The following PPP6R3 variants were observed in gnomAD, a reference collection of about 807,000 sequenced individuals.
PPP6R3 encodes the protein serine/threonine-protein phosphatase 6 regulatory subunit 3.
Under a neutral mutation model 110.7 loss-of-function variants are expected in PPP6R3, and 38 were observed. That is an observed-to-expected ratio of 0.34 (90% CI 0.26 to 0.45). The LOEUF (loss-of-function observed/expected upper bound fraction) is 0.45. Ranked by LOEUF, PPP6R3 falls within the 20% of genes least tolerant of loss-of-function variation. PPP6R3 has a pLI of 1.00. For missense variants in PPP6R3, 870 were observed against 1,062.4 expected, an observed-to-expected ratio of 0.82 and a Z score of 2.52; for synonymous variants, 369 against 373.5, an observed-to-expected ratio of 0.99 and a Z score of 0.14.
intron 19 of PPP6R3, 25 bp downstream of exon 19, chr11:68,596,243 A>G: frequency 6.2e-7 from 1 of 1,614,028 alleles, no homozygotes; most frequent in South Asian, 1.1e-5. Context: ...TCTTCAGATC[A>G]GCTGCCCTGT....
intron 1 of PPP6R3, among the ~76,000 whole-genome samples, chr11:68,499,594 G>A (rs2099037344): frequency 6.6e-6 from 1 of 151,960 alleles, no homozygotes; most frequent in African/African-American, 2.4e-5. Flanking sequence ...AAAGTGACAG[G>A]GTCTTATTCT....
intron 1 of PPP6R3, among the ~76,000 whole-genome samples, chr11:68,479,910 T>C (rs1158921221): frequency 6.6e-6 from 1 of 152,090 alleles, no homozygotes; most frequent in Non-Finnish European, 1.5e-5. Flanking sequence ...GGCTAATTTT[T>C]GTATTTTTTT....
chr11:68,550,052 T>G (rs927501115), intron 5 of PPP6R3, among the ~76,000 whole-genome samples: 4 of 152,172 alleles, frequency 2.6e-5, no homozygotes, highest in African/African-American at 9.7e-5. Context: ...GGGACATTAT[T>G]ACTCAAAGAA....
At chr11:68,482,730 A>G (rs1429508651) in intron 1 of PPP6R3, among the ~76,000 whole-genome samples, 1 of 152,136 alleles carries the variant, frequency 6.6e-6, no homozygotes, top group Non-Finnish European at 1.5e-5. Context: ...GAAGGCTAAA[A>G]TCCATTCTGA....
Position 68,571,051 on chromosome 11 carries a change from A to G in PPP6R3, c.1290A>G (p.Lys430=), listed in dbSNP as rs2099503392. The G allele has an allele frequency of 1.3e-6, 2 of 1,593,016 alleles. No homozygotes were observed. Among genetic ancestry groups the G allele is most frequent in the Non-Finnish European group, 1.7e-6 (2 of 1,174,136 alleles). Residue 430 remains lysine (K), a synonymous_variant, in exon 12 of 24, where the codon AAA becomes AAG. Coordinates refer to ENST00000393800, the MANE Select transcript of PPP6R3 (RefSeq NM_001164161.2). ...TTTTTTTTTTTCAGCTTTTCCAAAA[A>G]TGTCAATTAATAGAACGAATACTTG... ...DNLLLKHLFQ[K]CQLIERILEA... is the part of the protein sequence containing the mutation.
chr11:68,573,972 T>C lies in PPP6R3; in HGVS notation c.1344-137T>C, dbSNP rs115561233. The C allele has an allele frequency of 2.9e-3, 1,726 of 601,088 alleles. 31 individuals are homozygous for C. Among genetic ancestry groups the C allele is most frequent in the African/African-American group, 0.028 (1,493 of 54,250 alleles). 37.2% of individuals were successfully genotyped at this position (601,088 alleles called of 1,614,324 possible). Reference sequence around the variant, plus strand: ...CACCTTCCATTCCTTTGTTTTTCTTTTCTTTTCTGTCCATCGTCATTTTCT... The same window carrying C: ...CACCTTCCATTCCTTTGTTTTTCTTCTCTTTTCTGTCCATCGTCATTTTCT... On this transcript the variant is annotated intron_variant, in intron 12 of 23. Coordinates refer to ENST00000393800, the MANE Select transcript of PPP6R3 (RefSeq NM_001164161.2).
chr11:68,500,958 T>G (rs1214110219), intron 1 of PPP6R3, among the ~76,000 whole-genome samples: 11 of 152,210 alleles, frequency 7.2e-5, no homozygotes, highest in Non-Finnish European at 2.9e-5. Flanking sequence ...TCCGCCGCCT[T>G]CCTTTTCTGT....
chr11:68,531,569 G>T (rs2099240855), intron 2 of PPP6R3, among the ~76,000 whole-genome samples: 1 of 152,052 alleles, frequency 6.6e-6, no homozygotes, highest in South Asian at 2.1e-4. Flanking sequence ...TGGGATTACA[G>T]ACGTGAGCCA....
chr11:68,478,227 C>T (rs566615950), intron 1 of PPP6R3, among the ~76,000 whole-genome samples: 7 of 151,712 alleles, frequency 4.6e-5, no homozygotes, highest in Admixed American at 1.3e-4. Context: ...GGATTACAGG[C>T]GTGAGCTGCC....
chr11:68,486,484 A>G (rs1211558789), intron 1 of PPP6R3, among the ~76,000 whole-genome samples: 2 of 151,696 alleles, frequency 1.3e-5, no homozygotes, highest in Non-Finnish European at 2.9e-5. Flanking sequence ...GGGCGCCTGT[A>G]GTCCCAGCTA....
intron 1 of PPP6R3, among the ~76,000 whole-genome samples, chr11:68,515,952 G>A (rs905617238): frequency 3.9e-5 from 6 of 152,154 alleles, no homozygotes; most frequent in African/African-American, 1.2e-4. Flanking sequence ...ACAGTTAATA[G>A]TATACCTTCA....
At chr11:68,604,635 TA>T (rs1338491874) in intron 22 of PPP6R3, among the ~76,000 whole-genome samples, 2 of 152,336 alleles carry the variant, frequency 1.3e-5, no homozygotes, top group Admixed American at 1.3e-4. Context: ...AATCTGTAGA[TA>T]AGGATTAATA....
intron 1 of PPP6R3, among the ~76,000 whole-genome samples, chr11:68,464,916 A>G (rs936751168): frequency 2.1e-5 from 3 of 145,802 alleles, no homozygotes; most frequent in African/African-American, 5.1e-5. Context: ...CAGTCTCACT[A>G]TGTCACCCAG....
At chr11:68,466,508 G>A (rs1484263127) in intron 1 of PPP6R3, among the ~76,000 whole-genome samples, 2 of 148,832 alleles carry the variant, frequency 1.3e-5, no homozygotes, top group African/African-American at 5.0e-5. Context: ...GCGTGGTCTC[G>A]GCTCACTGCC....
chr11:68,571,576 T>G (rs1186275638), intron 12 of PPP6R3, among the ~76,000 whole-genome samples: 2 of 152,222 alleles, frequency 1.3e-5, no homozygotes, highest in African/African-American at 4.8e-5. Flanking sequence ...GTTAGCTGAT[T>G]GGCAAGGTTA....
chr11:68,570,296 G>C (rs2099498425), intron 11 of PPP6R3, among the ~76,000 whole-genome samples: 1 of 152,232 alleles, frequency 6.6e-6, no homozygotes, highest in African/African-American at 2.4e-5. Flanking sequence ...AGTTCTTTGT[G>C]ATGTTGAGAG....
intron 2 of PPP6R3, among the ~76,000 whole-genome samples, chr11:68,527,272 C>T (rs1485084767): frequency 6.6e-6 from 1 of 152,182 alleles, no homozygotes; most frequent in Non-Finnish European, 1.5e-5. Context: ...TGCAAGGCAT[C>T]ATTTTCTGCT....
chr11:68,591,800 G>C (rs963119002), intron 18 of PPP6R3, 94 bp downstream of exon 18: 3 of 1,382,848 alleles, frequency 2.2e-6, no homozygotes, highest in Non-Finnish European at 2.9e-6. Context: ...AAACATACAT[G>C]TTAACCCAGA....
intron 1 of PPP6R3, among the ~76,000 whole-genome samples, chr11:68,482,107 A>G (rs1409823894): frequency 1.3e-5 from 2 of 151,258 alleles, no homozygotes; most frequent in African/African-American, 4.9e-5. Flanking sequence ...GGCCGGGTGC[A>G]GTGGCTCATG....
Sources: gnomAD v4.1 joint callset for allele counts (sites outside exome capture counted in the v4.1 genomes callset) on GRCh38, gnomAD v4.1.1 for gene constraint, MANE v1.5 for transcripts, NCBI Gene and HGNC (gene_info 2026-07-23, HGNC 2026-07-21) for gene names.